Variants in DCTN4 observed in about 807,000 individuals in gnomAD.
DCTN4 encodes dynactin 4 (p62).
Under a neutral mutation model 62.7 loss-of-function variants are expected in DCTN4, and 23 were observed. The ratio of observed to expected loss-of-function variants is 0.37; its 90% CI spans 0.26 to 0.52. The LOEUF (loss-of-function observed/expected upper bound fraction) is 0.52. Among genes scored for constraint, DCTN4 ranks in the 20% least tolerant of loss-of-function variants. DCTN4 has a pLI of 0.92. For missense variants in DCTN4, 514 were observed against 580.4 expected (o/e 0.89, Z 1.18); for synonymous variants, 199 against 202.1 (o/e 0.98, Z 0.13).
intron 12 of DCTN4, among the ~76,000 whole-genome samples, chr5:150,713,077 A>G (rs903257293): frequency 2.0e-5 from 3 of 152,262 alleles, no homozygotes; most frequent in Non-Finnish European, 4.4e-5. Context: ...AGGATTTGAG[A>G]GAACACATTT....
chr5:150,739,867 C>T (rs1760709519), intron 4 of DCTN4, among the ~76,000 whole-genome samples: 1 of 152,116 alleles, frequency 6.6e-6, no homozygotes, highest in African/African-American at 2.4e-5. Context: ...GGATAATTGG[C>T]AACCTAAATG....
chr5:150,732,931 CAG>C lies in DCTN4; in HGVS notation c.537+435_537+436del, dbSNP rs539540400. Among the ~76,000 whole-genome samples the C allele has an allele frequency of 3.5e-3, 526 of 152,192 alleles. 4 individuals are homozygous for C. The highest frequency in any genetic ancestry group is 5.0e-3 in the Non-Finnish European group (338 of 67,996). On this transcript the variant is annotated intron_variant, in intron 5 of 12. Transcript: ENST00000447998. ...GTCAGTGTTTTTCATCTTGGAGAAACAGGGGAGGATGTTAAAAAAATTATAAC... is the reference window on the plus strand; with the variant it reads ...GTCAGTGTTTTTCATCTTGGAGAAACGGGAGGATGTTAAAAAAATTATAAC...
chr5:150,733,154 G>T (rs1404623259), intron 5 of DCTN4, among the ~76,000 whole-genome samples: 1 of 152,186 alleles, frequency 6.6e-6, no homozygotes, highest in Non-Finnish European at 1.5e-5. Context: ...GAGTGATGGA[G>T]AAAGAAACAC....
chr5:150,752,810 C>CTT (rs1752724065), intron 3 of DCTN4, among the ~76,000 whole-genome samples: 1 of 151,920 alleles, frequency 6.6e-6, no homozygotes. Context: ...GAGTATTCAT[C>CTT]TTTAGCCTGT....
rs760114812 is a variant in DCTN4 at position 150,711,298 on chromosome 5, C to T, written c.1234G>A (p.Glu412Lys). Residue 412 changes from glutamate to lysine, a missense_variant, in exon 13 of 13, where the codon GAG (glutamate) becomes AAG (lysine). By Grantham distance (56) the Glu-to-Lys change is moderately conservative. Coordinates refer to ENST00000447998, the MANE Select transcript of DCTN4 (RefSeq NM_016221.4). ...TTGAAGCACACGGTCACTTCACCCTCCTCACGCTGTGGTGTAACTTTGATG... is the reference window on the plus strand; with the variant it reads ...TTGAAGCACACGGTCACTTCACCCTTCTCACGCTGTGGTGTAACTTTGATG... Reference protein sequence around the residue: ...IFIKVTPQREEGEVTVCFKMK... With the variant: ...IFIKVTPQREKGEVTVCFKMK... 3 of 1,613,550 alleles carry T rather than the reference C, an allele frequency of 1.9e-6. No homozygotes were observed. The African/African-American group carries it at 4.0e-5, about 22-fold the overall frequency.
chr5:150,727,775 C>CAAAAAAAAAA (rs11292193), intron 8 of DCTN4, among the ~76,000 whole-genome samples: 2 of 82,414 alleles, frequency 2.4e-5, no homozygotes, highest in South Asian at 4.6e-4. Context: ...GACTCCGTCT[C>CAAAAAAAAAA]AAAAAAAAAA....
chr5:150,712,282 A>G (rs142597589), intron 12 of DCTN4, among the ~76,000 whole-genome samples: 27 of 152,232 alleles, frequency 1.8e-4, no homozygotes, highest in African/African-American at 6.5e-4. Context: ...GGTGCACACC[A>G]TCACGCCCAG....
chr5:150,709,795 T>C lies in DCTN4; in HGVS notation c.*1354A>G, dbSNP rs1021468393. The stretch of plus-strand genomic sequence containing the variant: ...TTCTACATTATAATGTTATCTTTAA[T>C]TTTTTAAGACTTAAAACAAGACCAA... On this transcript the variant is annotated 3_prime_UTR_variant, in exon 13 of 13. Coordinates refer to ENST00000447998, the MANE Select transcript of DCTN4 (RefSeq NM_016221.4). 1 of 152,362 alleles carries C rather than the reference T, an allele frequency of 6.6e-6. No individual in the cohort carries two copies. Among genetic ancestry groups the C allele is most frequent in the African/African-American group, 2.4e-5 (1 of 41,450 alleles). The allele number at this position is 152,362 out of a possible 1,614,324, so 9.4% of individuals were successfully genotyped here.
rs41290557 is a variant in DCTN4 at position 150,742,451 on chromosome 5, A to G, written c.386-294T>C. Among the ~76,000 whole-genome samples, 302 of 152,312 alleles carry G rather than the reference A, an allele frequency of 2.0e-3. 1 individual carries two copies. Among genetic ancestry groups the G allele is most frequent in the Middle Eastern group, 3.4e-3 (1 of 294 alleles). On this transcript the variant is annotated intron_variant, in intron 3 of 12. Transcript: ENST00000447998. ...AGGACTCTTATTAGTCTCATTTTAT[A>G]TATGAGGAAACTGAGGCTCAGAGAT...
chr5:150,741,635 C>G (rs1286894195), intron 4 of DCTN4, among the ~76,000 whole-genome samples: 1 of 152,112 alleles, frequency 6.6e-6, no homozygotes, highest in Non-Finnish European at 1.5e-5. Context: ...CATGCGCCAC[C>G]ACACTCAGCT....
chr5:150,750,272 A>G (rs942321979), intron 3 of DCTN4, among the ~76,000 whole-genome samples: 10 of 152,198 alleles, frequency 6.6e-5, no homozygotes, highest in African/African-American at 2.4e-4. Flanking sequence ...ATAAAAGTAT[A>G]ATGAGATACC....
chr5:150,758,871 A>G lies in DCTN4; in HGVS notation c.123T>C (p.Cys41=), dbSNP rs142145858. The part of the protein sequence containing the change: ...RYCSELRSLE[C]VSHEVDSHYC... ...GCGACTCTGTTACCTCGTGAGACAC[A>G]CATTCCAGCGACCGCAGTTCGCTAC... The change falls in exon 1 of 13, where the codon TGT becomes TGC. Residue 41 remains cysteine (C), a synonymous_variant. Coordinates refer to ENST00000447998, the MANE Select transcript of DCTN4 (RefSeq NM_016221.4). 80 of 1,613,762 alleles carry G rather than the reference A, an allele frequency of 5.0e-5. No homozygotes were observed. In the African/African-American group the frequency reaches 8.9e-4, roughly 18 times the overall value.
chr5:150,713,592 T>C (rs1340230847), intron 12 of DCTN4, among the ~76,000 whole-genome samples: 1 of 151,436 alleles, frequency 6.6e-6, no homozygotes, highest in East Asian at 2.0e-4. Context: ...TACAGGCACG[T>C]GCCACCACGC....
chr5:150,710,320 A>AG lies in DCTN4; in HGVS notation c.*828dup, dbSNP rs1759512635. On this transcript the variant is annotated 3_prime_UTR_variant, in exon 13 of 13. Coordinates refer to ENST00000447998, the MANE Select transcript of DCTN4 (RefSeq NM_016221.4). Reference sequence around the variant, plus strand: ...CTGAGTTAAAGAGGCAGAACAGGGAAGGGGTAGGAAGTAAGACAAATAAAG... The same window carrying AG: ...CTGAGTTAAAGAGGCAGAACAGGGAAGGGGGTAGGAAGTAAGACAAATAAAG... The AG allele has an allele frequency of 6.6e-6, 1 of 152,320 alleles. No individual in the cohort carries two copies. The highest frequency in any genetic ancestry group is 2.1e-4 in the South Asian group (1 of 4,832). The allele number at this position is 152,320 out of a possible 1,614,324, so 9.4% of individuals were successfully genotyped here. A position where few individuals can be genotyped will look rare whatever the true frequency, so the allele number is the denominator to read the frequency against.
intron 3 of DCTN4, among the ~76,000 whole-genome samples, chr5:150,746,119 G>A (rs1163058040): frequency 8.7e-5 from 13 of 149,948 alleles, no homozygotes; most frequent in East Asian, 2.0e-4. Context: ...TATCACCACC[G>A]ATCCCACAGA....
chr5:150,716,033 T>C (rs1278852128), intron 11 of DCTN4, among the ~76,000 whole-genome samples: 1 of 151,986 alleles, frequency 6.6e-6, no homozygotes, highest in Admixed American at 6.5e-5. Context: ...GCCTCATGAG[T>C]AGCTAGGACT....
rs1483006453 is a variant in DCTN4 at position 150,758,970 on chromosome 5, G to C, written c.24C>G (p.Asp8Glu). Residue 8 changes from aspartate (D) to glutamate (E), a missense_variant, in exon 1 of 13, where the codon GAC (aspartate) becomes GAG (glutamate). Physicochemically the swap from Asp to Glu is conservative, Grantham distance 45. Transcript: ENST00000447998. MASLLQSDRVLYLVQGEK... is the reference protein window; with the variant it reads MASLLQSERVLYLVQGEK... ...CTCCCTGGACTAGATAGAGAACCCG[G>C]TCCGACTGCAGCAAGGACGCCATCT... is the stretch of plus-strand genomic sequence containing the variant. 40 of 1,613,980 alleles carry C rather than the reference G, an allele frequency of 2.5e-5. No homozygotes were observed. Among genetic ancestry groups the C allele is most frequent in the Non-Finnish European group, 3.2e-5 (38 of 1,179,986 alleles).
rs377589711 is a variant in DCTN4 at position 150,711,098 on chromosome 5, G to A, written c.*51C>T. ...GAAGCAGCAGCTTCCACATTTTAACGCAGGTTTACGGTGATACTGTCCTTT... is the reference window on the plus strand; with the variant it reads ...GAAGCAGCAGCTTCCACATTTTAACACAGGTTTACGGTGATACTGTCCTTT... On this transcript the variant is annotated 3_prime_UTR_variant, in exon 13 of 13. Coordinates refer to ENST00000447998, the MANE Select transcript of DCTN4 (RefSeq NM_016221.4). 5 of 1,535,574 alleles carry A rather than the reference G, an allele frequency of 3.3e-6. No homozygotes were observed. In the African/African-American group the frequency reaches 5.5e-5, roughly 17 times the overall value.
intron 4 of DCTN4, among the ~76,000 whole-genome samples, chr5:150,739,726 T>C (rs1449464277): frequency 6.6e-6 from 1 of 152,076 alleles, no homozygotes; most frequent in African/African-American, 2.4e-5. Context: ...GGTATAAAAA[T>C]AGGCACACAG....
Sources: allele counts gnomAD v4.1 joint callset (sites outside exome capture counted in the v4.1 genomes callset), GRCh38; gene constraint gnomAD v4.1.1; transcripts MANE v1.5; gene names NCBI Gene and HGNC (gene_info 2026-07-23, HGNC 2026-07-21).